HSPA4L: variants seen among roughly 807,000 people sequenced by gnomAD.
The protein encoded by HSPA4L is heat shock 70 kDa protein 4L.
In HSPA4L, 48 loss-of-function variants were observed where a neutral mutation model predicts 100.3. The observed-to-expected ratio is 0.48, with a 90% confidence interval of 0.38 to 0.61. The LOEUF is 0.61. HSPA4L is among the 20% of genes least tolerant of loss of function. The pLI, the probability that HSPA4L is intolerant of heterozygous loss-of-function variation, is 0.00. For synonymous variants in HSPA4L, 319 were observed against 328.2 expected (o/e 0.97, Z 0.30); for missense variants, 886 against 988.6 (o/e 0.90, Z 1.39).
chr4:127,783,769 T>G, intron 1 of HSPA4L: 1 of 1,136,780 alleles, frequency 8.8e-7, no homozygotes, highest in Non-Finnish European at 1.3e-6. Context: ...CCAATGGTCT[T>G]TAAATGCCTC....
intron 1 of HSPA4L, chr4:127,783,431 C>T (rs1732625188): frequency 5.6e-6 from 7 of 1,256,566 alleles, no homozygotes; most frequent in Non-Finnish European, 7.2e-6. Context: ...GGCAGCTGTC[C>T]CGTATAAACA....
In HSPA4L at chr4:127,837,463, A is replaced by C. The variant is rs1734237052; in HGVS notation, c.*4589A>C. ...GTGGCATGAGAGGGATATGCTTATA[A>C]AGCTTAATTCTGATATTATCCTCTT... On this transcript the variant is annotated 3_prime_UTR_variant, in exon 19 of 19. Coordinates refer to ENST00000296464, the MANE Select transcript of HSPA4L (RefSeq NM_014278.4). 6.6e-6 allele frequency: 1 copy of C among 152,134 alleles called. No homozygotes were observed. Among genetic ancestry groups the C allele is most frequent in the Non-Finnish European group, 1.5e-5 (1 of 68,028 alleles). The allele number at this position is 152,134 out of a possible 1,614,324, so 9.4% of individuals were successfully genotyped here.
At chr4:127,805,556 A>G in intron 9 of HSPA4L, 131 bp from the exon 10 acceptor site, 6 of 622,172 alleles carry the variant, frequency 9.6e-6, no homozygotes, top group Non-Finnish European at 1.6e-5. Flanking sequence ...TTCACTTCTC[A>G]TTGCCAAAAA....
At chr4:127,785,039 T>C (rs931403805) in intron 1 of HSPA4L, among the ~76,000 whole-genome samples, 2 of 152,216 alleles carry the variant, frequency 1.3e-5, no homozygotes, top group Admixed American at 6.5e-5. Flanking sequence ...CATTAACATA[T>C]TTGATTGCTT....
chr4:127,803,954 G>A, intron 7 of HSPA4L, 57 bp from the exon 8 acceptor site: 1 of 1,607,884 alleles, frequency 6.2e-7, no homozygotes, highest in Non-Finnish European at 8.5e-7. Context: ...TGTTGTTTTA[G>A]AAGATACGCT....
chr4:127,801,819 T>G lies in HSPA4L; in HGVS notation c.564T>G (p.Leu188=). 1 of 1,611,070 alleles carries G rather than the reference T, an allele frequency of 6.2e-7. No individual in the cohort carries two copies. Among genetic ancestry groups the G allele is most frequent in the Non-Finnish European group, 8.5e-7 (1 of 1,178,124 alleles). The change falls in exon 6 of 19, where the codon CTT becomes CTG. Residue 188 remains leucine, a synonymous_variant. Transcript: ENST00000296464. ...ALAYGIYKQD[L]PPLDEKPRNV... ...CGTATGGAATTTATAAACAGGATCT[T>G]CCCCCATTAGATGAGAAACCAAGAA...
Position 127,833,336 on chromosome 4 carries a change from C to A in HSPA4L, c.*462C>A, listed in dbSNP as rs573764678. The A allele has an allele frequency of 1.3e-5, 2 of 152,902 alleles. No homozygotes were observed. Among genetic ancestry groups the A allele is most frequent in the Admixed American group, 6.5e-5 (1 of 15,308 alleles). The allele number at this position is 152,902 out of a possible 1,614,324, so 9.5% of individuals were successfully genotyped here. A position where few individuals can be genotyped will look rare whatever the true frequency, so the allele number is the denominator to read the frequency against. On this transcript the variant is annotated 3_prime_UTR_variant, in exon 19 of 19. Transcript: ENST00000296464. ...CCTTTTTCTAGTTATTGTATTGCTA[C>A]AATTTAAATATTAAAACAAATAAGA...
chr4:127,800,997 TAAAAC>T, intron 4 of HSPA4L, 136 bp from the exon 5 acceptor site: 1 of 560,040 alleles, frequency 1.8e-6, no homozygotes, highest in Non-Finnish European at 3.0e-6. Flanking sequence ...ACTTAAAAAA[TAAAAC>T]ACTAGTATTT....
chr4:127,823,121 A>C (rs1037880413), intron 15 of HSPA4L, among the ~76,000 whole-genome samples: 1 of 152,072 alleles, frequency 6.6e-6, no homozygotes, highest in Non-Finnish European at 1.5e-5. Flanking sequence ...CTTGAAAAAC[A>C]TTCTGTCCTT....
At chr4:127,829,112 CTAATAAGGTGAT>C (rs1734018555) in intron 17 of HSPA4L, among the ~76,000 whole-genome samples, 1 of 151,954 alleles carries the variant, frequency 6.6e-6, no homozygotes. Context: ...GAAAGGTGTA[CTAATAAGGTGAT>C]ACACATGTTA....
At chr4:127,801,715 CAA>C in intron 5 of HSPA4L, 68 bp from the exon 6 acceptor site, 1 of 1,299,240 alleles carries the variant, frequency 7.7e-7, no homozygotes, top group Non-Finnish European at 1.1e-6. Context: ...AGTACAGTAT[CAA>C]AGTGACATTT....
Position 127,782,508 on chromosome 4 carries a change from A to T in HSPA4L, c.-43A>T. On this transcript the variant is annotated 5_prime_UTR_variant, in exon 1 of 19. Coordinates refer to ENST00000296464, the MANE Select transcript of HSPA4L (RefSeq NM_014278.4). The stretch of plus-strand genomic sequence containing the variant: ...GCCCAGAAGAGGACACGGTTCCCGT[A>T]CCGAAGGGTTCAGTACCAGCAGCCC... 3 of 1,518,126 alleles carry T rather than the reference A, an allele frequency of 2.0e-6. No homozygotes were observed. The highest frequency in any genetic ancestry group is 1.1e-5 in the South Asian group (1 of 88,650). 94.0% of individuals were successfully genotyped at this position (1,518,126 alleles called of 1,614,324 possible).
chr4:127,836,492 T>C lies in HSPA4L; in HGVS notation c.*3618T>C, dbSNP rs1734216303. 1 of 152,216 alleles carries C rather than the reference T, an allele frequency of 6.6e-6. No homozygotes were observed. Among genetic ancestry groups the C allele is most frequent in the Non-Finnish European group, 1.5e-5 (1 of 68,008 alleles). The allele number at this position is 152,216 out of a possible 1,614,324, so 9.4% of individuals were successfully genotyped here. ...TGTCAATTTTTAGTATATTAAGAGCTAAAAGAAGTAAAGGTTTCTTAGACT... is the reference window on the plus strand; with the variant it reads ...TGTCAATTTTTAGTATATTAAGAGCCAAAAGAAGTAAAGGTTTCTTAGACT... On this transcript the variant is annotated 3_prime_UTR_variant, in exon 19 of 19. Coordinates refer to ENST00000296464, the MANE Select transcript of HSPA4L (RefSeq NM_014278.4).
chr4:127,832,310 AT>A (rs1393394768), intron 18 of HSPA4L, among the ~76,000 whole-genome samples: 14 of 152,256 alleles, frequency 9.2e-5, no homozygotes, highest in Non-Finnish European at 1.6e-4. Context: ...AATGTTGAAA[AT>A]TTTCAGTTTA....
chr4:127,808,108 C>T lies in HSPA4L; in HGVS notation c.1357C>T (p.Pro453Ser), dbSNP rs2148788938. The T allele has an allele frequency of 1.2e-6, 2 of 1,600,882 alleles. No individual in the cohort carries two copies. Among genetic ancestry groups the T allele is most frequent in the Non-Finnish European group, 1.7e-6 (2 of 1,176,446 alleles). ...ATTTTATACTAATTTACATGAAGTG[C>T]CTTATCCTGATGCAAGAATTGGTAA... ...EAFYTNLHEVPYPDARIGSFT... is the reference protein window; with the variant it reads ...EAFYTNLHEVSYPDARIGSFT... Residue 453 changes from proline (P) to serine (S), a missense_variant, in exon 11 of 19, where the codon CCT (proline) becomes TCT (serine). Transcript: ENST00000296464.
chr4:127,825,225 T>G (rs961264174), intron 16 of HSPA4L, among the ~76,000 whole-genome samples: 1 of 152,158 alleles, frequency 6.6e-6, no homozygotes, highest in East Asian at 1.9e-4. Flanking sequence ...AGTTCTTTAA[T>G]GTGCATATGA....
In HSPA4L at chr4:127,832,900, T is replaced by A; in HGVS notation, c.*26T>A. 6.4e-7 allele frequency: 1 copy of A among 1,554,044 alleles called. No homozygotes were observed. Among genetic ancestry groups the A allele is most frequent in the Non-Finnish European group, 8.8e-7 (1 of 1,142,294 alleles). ...GTCTTAATTTTACCTTCACATTAAT[T>A]CAAACCGTGCAAGTAACCACGGGGT... On this transcript the variant is annotated 3_prime_UTR_variant, in exon 19 of 19. Coordinates refer to ENST00000296464, the MANE Select transcript of HSPA4L (RefSeq NM_014278.4).
chr4:127,840,713 A>G lies in HSPA4L; in HGVS notation c.*7839A>G, dbSNP rs1734346210. 3 of 152,138 alleles carry G rather than the reference A, an allele frequency of 2.0e-5. No individual in the cohort carries two copies. Among genetic ancestry groups the G allele is most frequent in the African/African-American group, 2.4e-5 (1 of 41,430 alleles). The allele number at this position is 152,138 out of a possible 1,614,324, so 9.4% of individuals were successfully genotyped here. A position where few individuals can be genotyped will look rare whatever the true frequency, so the allele number is the denominator to read the frequency against. ...TCGTGTAATTATAATAAATATGTCT[A>G]CCTACTCCTTGAACCATGAATTTTG... On this transcript the variant is annotated 3_prime_UTR_variant, in exon 19 of 19. Transcript: ENST00000296464.
Position 127,795,824 on chromosome 4 carries a change from A to C in HSPA4L, c.222A>C (p.Ser74=). ...IHGFKKLHGR[S]FDDPIVQTER... is the part of the protein sequence containing the mutation. ...GCTTCAAAAAGCTTCATGGGCGATCATTTGATGATCCCATTGTGCAAACTG... is the reference window on the plus strand; with the variant it reads ...GCTTCAAAAAGCTTCATGGGCGATCCTTTGATGATCCCATTGTGCAAACTG... Residue 74 remains serine, a synonymous_variant, in exon 3 of 19, where the codon TCA becomes TCC. Coordinates refer to ENST00000296464, the MANE Select transcript of HSPA4L (RefSeq NM_014278.4). The C allele has an allele frequency of 1.9e-6, 3 of 1,613,778 alleles. No homozygotes were observed. The highest frequency in any genetic ancestry group is 2.5e-6 in the Non-Finnish European group (3 of 1,179,722).
Sources: allele counts gnomAD v4.1 joint callset (sites outside exome capture counted in the v4.1 genomes callset), GRCh38; gene constraint gnomAD v4.1.1; transcripts MANE v1.5; gene names NCBI Gene and HGNC (gene_info 2026-07-23, HGNC 2026-07-21).